The following FHIT variants were observed in gnomAD, a reference collection of about 807,000 sequenced individuals.
FHIT encodes the protein bis(5'-adenosyl)-triphosphatase.
In FHIT, 19 loss-of-function variants were observed where a neutral mutation model predicts 17.9. The ratio of observed to expected loss-of-function variants is 1.06; its 90% CI spans 0.74 to 1.56. FHIT has a LOEUF of 1.56. FHIT is among the 40% of genes most tolerant of loss of function. The pLI is 0.00. For missense variants in FHIT, 248 were observed against 189.2 expected (o/e 1.31, Z -1.82); for synonymous variants, 81 against 69.7 (o/e 1.16, Z -0.81).
intron 5 of FHIT, among the ~76,000 whole-genome samples, chr3:60,271,988 C>A (rs1408128803): frequency 6.6e-6 from 1 of 152,172 alleles, no homozygotes; most frequent in East Asian, 1.9e-4. Flanking sequence ...AACTGAGGCA[C>A]AGAGACCTGT....
At chr3:61,221,113 C>A (rs62268425) in intron 1 of FHIT, among the ~76,000 whole-genome samples, 65,089 of 151,910 alleles carry the variant, frequency 0.43, 14,300 homozygotes, top group East Asian at 0.57. Flanking sequence ...GCTTGGCTCC[C>A]TGACCCTGGC....
At chr3:60,950,214 T>A (rs1163613365) in intron 3 of FHIT, among the ~76,000 whole-genome samples, 1 of 152,238 alleles carries the variant, frequency 6.6e-6, no homozygotes, top group Non-Finnish European at 1.5e-5. Context: ...ATGACTACAC[T>A]ATGCAGACAT....
At chr3:60,922,804 C>T (rs1419353296) in intron 3 of FHIT, among the ~76,000 whole-genome samples, 2 of 152,122 alleles carry the variant, frequency 1.3e-5, no homozygotes, top group Non-Finnish European at 2.9e-5. Flanking sequence ...CTACCACTTC[C>T]AGAACCAGTA....
intron 2 of FHIT, among the ~76,000 whole-genome samples, chr3:61,135,596 C>CAT (rs2036893581): frequency 2.0e-5 from 3 of 150,166 alleles, no homozygotes; most frequent in Middle Eastern, 3.4e-3. Flanking sequence ...CACACACACA[C>CAT]ACATACACAC....
At chr3:60,395,492 G>A (rs1701402723) in intron 5 of FHIT, among the ~76,000 whole-genome samples, 2 of 152,136 alleles carry the variant, frequency 1.3e-5, no homozygotes, top group South Asian at 4.1e-4. Flanking sequence ...AAAGAAAAGT[G>A]AGATGTAAGG....
At chr3:61,090,272 G>C (rs2035439070) in intron 2 of FHIT, among the ~76,000 whole-genome samples, 2 of 152,144 alleles carry the variant, frequency 1.3e-5, no homozygotes, top group African/African-American at 4.8e-5. Flanking sequence ...ATTTGAATAG[G>C]TGATTCTTAA....
intron 4 of FHIT, among the ~76,000 whole-genome samples, chr3:60,629,239 T>G: frequency 6.6e-6 from 1 of 152,264 alleles, no homozygotes; most frequent in African/African-American, 2.4e-5. Flanking sequence ...TGGCCACATC[T>G]GCCCAGAGTG....
chr3:61,098,294 T>C (rs1320507893), intron 2 of FHIT, among the ~76,000 whole-genome samples: 3 of 152,174 alleles, frequency 2.0e-5, no homozygotes, highest in African/African-American at 7.2e-5. Context: ...CTCTAATCTG[T>C]TCCATTGGGC....
intron 3 of FHIT, among the ~76,000 whole-genome samples, chr3:60,978,131 G>C (rs1002001655): frequency 1.3e-5 from 2 of 152,164 alleles, no homozygotes; most frequent in African/African-American, 4.8e-5. Context: ...GTTAACACCT[G>C]GGCAATCATC....
In FHIT at chr3:59,970,514, G is replaced by A. The variant is rs984214661; in HGVS notation, c.279+40857C>T. Among the ~76,000 whole-genome samples the A allele has an allele frequency of 1.1e-4, 17 of 152,064 alleles. 2 individuals are homozygous for A. The highest frequency in any genetic ancestry group is 1.0e-3 in the Admixed American group (16 of 15,246). On this transcript the variant is annotated intron_variant, in intron 7 of 9. Transcript: ENST00000492590. ...AGCTGACAAATTTATTTTGTCACGA[G>A]CAGCTGTGTTCTTATTTTTATAAGG...
rs139842201 is a variant in FHIT at position 60,327,194 on chromosome 3, T to G, written c.103+209666A>C. Among the ~76,000 whole-genome samples the G allele has an allele frequency of 7.0e-3, 1,072 of 152,286 alleles. 13 individuals carry two copies. The highest frequency in any genetic ancestry group is 0.024 in the African/African-American group (996 of 41,558). On this transcript the variant is annotated intron_variant, in intron 5 of 9. Coordinates refer to ENST00000492590, the MANE Select transcript of FHIT (RefSeq NM_002012.4). ...TCCATCTTCTTCATCAGCTTCTTTA[T>G]CCCCCACAACAAAATGTGCTCCACC...
intron 5 of FHIT, among the ~76,000 whole-genome samples, chr3:60,320,887 A>G (rs969726237): frequency 5.9e-5 from 9 of 152,212 alleles, no homozygotes; most frequent in Non-Finnish European, 1.0e-4. Flanking sequence ...CAAGGACTCA[A>G]TTGAAACCCA....
intron 2 of FHIT, among the ~76,000 whole-genome samples, chr3:61,123,451 G>GTT (rs2036518789): frequency 6.6e-6 from 1 of 151,618 alleles, no homozygotes; most frequent in African/African-American, 2.4e-5. Context: ...GTATACCTAT[G>GTT]TAACAAACCT....
intron 4 of FHIT, among the ~76,000 whole-genome samples, chr3:60,601,604 G>A (rs9880496): frequency 0.019 from 2,856 of 152,172 alleles, 97 homozygotes; most frequent in African/African-American, 0.066. Context: ...TCTTAATAGT[G>A]AGCAGGATAA....
At chr3:60,220,251 T>C (rs1002534801) in intron 5 of FHIT, among the ~76,000 whole-genome samples, 1 of 152,138 alleles carries the variant, frequency 6.6e-6, no homozygotes, top group Non-Finnish European at 1.5e-5. Flanking sequence ...AAAATTCAGG[T>C]GTCAAAAATC....
chr3:61,021,793 C>A (rs2032451018), intron 3 of FHIT, among the ~76,000 whole-genome samples: 1 of 151,844 alleles, frequency 6.6e-6, no homozygotes, highest in Non-Finnish European at 1.5e-5. Context: ...TTTTTTGAAA[C>A]CAATAAGAAC....
At chr3:60,920,871 T>C (rs951319193) in intron 3 of FHIT, among the ~76,000 whole-genome samples, 5 of 152,332 alleles carry the variant, frequency 3.3e-5, no homozygotes, top group Admixed American at 6.5e-5. Context: ...CAGGGAGGCA[T>C]TAGAGAGTTT....
chr3:59,771,744 G>A (rs1559591102), intron 8 of FHIT, among the ~76,000 whole-genome samples: 1 of 152,134 alleles, frequency 6.6e-6, no homozygotes, highest in Admixed American at 6.5e-5. Flanking sequence ...TCACACTCAA[G>A]ACACAGACTT....
chr3:60,085,256 C>G (rs1402988918), intron 5 of FHIT, among the ~76,000 whole-genome samples: 1 of 152,106 alleles, frequency 6.6e-6, no homozygotes, highest in African/African-American at 2.4e-5. Flanking sequence ...TACAGACAAG[C>G]AGAGAGAAGA....
Sources: gnomAD v4.1 joint callset for allele counts (sites outside exome capture counted in the v4.1 genomes callset) on GRCh38, gnomAD v4.1.1 for gene constraint, MANE v1.5 for transcripts, NCBI Gene and HGNC (gene_info 2026-07-23, HGNC 2026-07-21) for gene names.